Variants in LIN9 observed in about 807,000 individuals in gnomAD.
LIN9 encodes the protein lin-9 DREAM MuvB core complex component.
In LIN9, 18 loss-of-function variants were observed where a neutral mutation model predicts 78.0. The observed-to-expected ratio is 0.23, with a 90% CI of 0.16 to 0.34. The LOEUF (loss-of-function observed/expected upper bound fraction) is 0.34. Among genes scored for constraint, LIN9 ranks in the 10% least tolerant of loss-of-function variants. LIN9 has a pLI of 1.00. For missense variants in LIN9, 451 were observed against 644.1 expected, an observed-to-expected ratio of 0.70 and a Z score of 3.25; for synonymous variants, 192 against 215.2, an observed-to-expected ratio of 0.89 and a Z score of 0.94.
chr1:226,284,229 T>C (rs1430016289), intron 6 of LIN9, among the ~76,000 whole-genome samples: 2 of 152,154 alleles, frequency 1.3e-5, no homozygotes, highest in Admixed American at 1.3e-4. Context: ...GAGACATCTG[T>C]GACTGTATCT....
intron 4 of LIN9, among the ~76,000 whole-genome samples, chr1:226,290,016 TA>T (rs1166267312): frequency 2.0e-5 from 3 of 152,108 alleles, no homozygotes; most frequent in Non-Finnish European, 2.9e-5. Context: ...AAGAAGTCAT[TA>T]AAAGGTAACA....
intron 7 of LIN9, among the ~76,000 whole-genome samples, chr1:226,272,662 T>C (rs1660375297): frequency 6.6e-6 from 1 of 151,740 alleles, no homozygotes; most frequent in South Asian, 2.1e-4. Flanking sequence ...CCCTGGAATG[T>C]GTCTAGACTT....
At position 226,297,709 on chromosome 1, in the gene LIN9, C is replaced by T; in HGVS notation, c.159+10G>A. ...ATTATTCTAAAATGTAAGAAAAACT[C>T]ACTCCTTACCATTTCCACAGCAGAG... is the stretch of plus-strand genomic sequence containing the variant. On this transcript the variant is annotated intron_variant, in intron 3 of 14. Coordinates refer to ENST00000681046, the MANE Select transcript of LIN9 (RefSeq NM_001366245.2). The T allele has an allele frequency of 6.6e-7, 1 of 1,525,072 alleles. No individual in the cohort carries two copies. The highest frequency in any genetic ancestry group is 8.8e-7 in the Non-Finnish European group (1 of 1,130,186). The allele number at this position is 1,525,072 out of a possible 1,614,324, so 94.5% of individuals were successfully genotyped here.
rs1558202906 is a variant in LIN9, at chr1:226,294,530, C to G, written c.264+1312G>C. 2.6e-5 allele frequency among the ~76,000 whole-genome samples: 4 copies of G among 151,654 alleles called. No individual in the cohort carries two copies. The South Asian group carries it at 8.3e-4, about 32-fold the overall frequency. ...GAGATTGCAGTGAGCTGAGATCACA[C>G]CACTGCACTCCACCTGGGCAACAAG... On this transcript the variant is annotated intron_variant, in intron 4 of 14. Coordinates refer to ENST00000681046, the MANE Select transcript of LIN9 (RefSeq NM_001366245.2).
At chr1:226,263,725 T>C (rs1157937747) in intron 10 of LIN9, among the ~76,000 whole-genome samples, 1 of 152,204 alleles carries the variant, frequency 6.6e-6, no homozygotes, top group Admixed American at 6.5e-5. Context: ...AAAATATCCA[T>C]CTGCCTTGAG....
At position 226,295,928 on chromosome 1, in the gene LIN9, G is replaced by A. The variant is rs1576354542; in HGVS notation, c.178C>T (p.Arg60Ter). 6.2e-7 allele frequency: 1 copy of A among 1,609,994 alleles called. No homozygotes were observed. The highest frequency in any genetic ancestry group is 1.3e-5 in the African/African-American group (1 of 74,698). ...AVEMPFRNSK[R>*]SRLFSDEDDR... ...TCTTCATCAGAAAAAAGTCGACTTC[G>A]TTTTGAATTTCTGAAAGGCTATGAT... Residue 60 changes from arginine (R) to a stop codon, truncating the protein, a stop_gained, in exon 4 of 15, where the codon CGA becomes TGA. Coordinates refer to ENST00000681046, the MANE Select transcript of LIN9 (RefSeq NM_001366245.2). LOFTEE classifies it high-confidence loss of function.
intron 11 of LIN9, among the ~76,000 whole-genome samples, chr1:226,241,499 A>G (rs1658107524): frequency 6.6e-6 from 1 of 152,198 alleles, no homozygotes; most frequent in African/African-American, 2.4e-5. Flanking sequence ...AAGATGTACA[A>G]AGGGTTTACA....
chr1:226,271,193 T>C (rs987630314), intron 7 of LIN9, among the ~76,000 whole-genome samples: 2 of 152,250 alleles, frequency 1.3e-5, no homozygotes, highest in African/African-American at 4.8e-5. Context: ...TTCTCTACTA[T>C]TCAAATTTTC....
chr1:226,308,520 G>A (rs1213070973), intron 1 of LIN9, among the ~76,000 whole-genome samples: 1 of 152,196 alleles, frequency 6.6e-6, no homozygotes, highest in Non-Finnish European at 1.5e-5. Flanking sequence ...CCAGGGGAAG[G>A]GGCCAACCCT....
intron 4 of LIN9, among the ~76,000 whole-genome samples, chr1:226,294,306 C>T (rs1378824369): frequency 1.4e-4 from 21 of 147,410 alleles, no homozygotes; most frequent in Admixed American, 1.2e-3. Flanking sequence ...CCTGGCTGGG[C>T]GCAGTGGCTC....
Position 226,268,052 on chromosome 1 carries a change from G to T in LIN9, c.721C>A (p.Gln241Lys), listed in dbSNP as rs1660043312. The change falls in exon 8 of 15, where the codon CAA becomes AAA. Residue 241 changes from glutamine to lysine, a missense_variant. Gln to Lys is a moderately conservative substitution (Grantham distance 53, BLOSUM62 1). Coordinates refer to ENST00000681046, the MANE Select transcript of LIN9 (RefSeq NM_001366245.2). ...RGVHDGLFTG[Q>K]IDAVDTLNAT... ...TTAAGAGTATCCACAGCATCTATTT[G>T]TCCAGTGAACAAACCATCATGAACA... 6.2e-7 allele frequency: 1 copy of T among 1,614,048 alleles called. No homozygotes were observed. Among genetic ancestry groups the T allele is most frequent in the East Asian group, 2.2e-5 (1 of 44,854 alleles).
intron 6 of LIN9, among the ~76,000 whole-genome samples, chr1:226,281,215 TGTG>T (rs1418264293): frequency 1.3e-5 from 2 of 151,946 alleles, no homozygotes; most frequent in Non-Finnish European, 2.9e-5. Context: ...AAACTAAAAA[TGTG>T]GATCTCATGG....
chr1:226,272,721 C>T (rs1000063352), intron 7 of LIN9, among the ~76,000 whole-genome samples: 1 of 151,764 alleles, frequency 6.6e-6, no homozygotes, highest in Admixed American at 6.6e-5. Context: ...TGATTGTATT[C>T]CCATTATCTC....
chr1:226,244,292 CGCG>C (rs1367496886), intron 11 of LIN9, among the ~76,000 whole-genome samples: 1 of 151,668 alleles, frequency 6.6e-6, no homozygotes, highest in Non-Finnish European at 1.5e-5. Flanking sequence ...ATTAGCCGGG[CGCG>C]GTGGCGCATG....
At chr1:226,309,401 G>A, upstream of LIN9, 1 of 992,360 alleles carries the variant, frequency 1.0e-6, no homozygotes, top group Non-Finnish European at 1.2e-6. Context: ...GAAGGAGGCC[G>A]CACGGCGAGG....
At chr1:226,259,557 C>A (rs560944329) in intron 10 of LIN9, among the ~76,000 whole-genome samples, 29 of 152,128 alleles carry the variant, frequency 1.9e-4, no homozygotes, top group Non-Finnish European at 2.6e-4. Flanking sequence ...ACAAAACATA[C>A]CTTAACAAAA....
upstream of LIN9, chr1:226,309,222 G>C (rs763072540): frequency 1.4e-6 from 2 of 1,441,270 alleles, no homozygotes; most frequent in African/African-American, 1.5e-5. Flanking sequence ...AGGGAGGTTC[G>C]AATGCGGAGC....
intron 11 of LIN9, among the ~76,000 whole-genome samples, chr1:226,241,879 G>T (rs866592484): frequency 5.3e-5 from 8 of 151,698 alleles, no homozygotes; most frequent in Non-Finnish European, 7.4e-5. Context: ...AGAAAAGGGG[G>T]TGATGTAACT....
intron 8 of LIN9, 51 bp downstream of exon 8, chr1:226,267,906 T>TTA: frequency 6.4e-7 from 1 of 1,552,996 alleles, no homozygotes; most frequent in East Asian, 2.3e-5. Context: ...AAACTCTATA[T>TTA]AACACATTTA....
Sources: gnomAD v4.1 joint callset for allele counts (sites outside exome capture counted in the v4.1 genomes callset) on GRCh38, gnomAD v4.1.1 for gene constraint, MANE v1.5 for transcripts, NCBI Gene and HGNC (gene_info 2026-07-23, HGNC 2026-07-21) for gene names.